The following KLF13 variants were observed in gnomAD, a reference collection of about 807,000 sequenced individuals.
KLF13 encodes Krueppel-like factor 13.
In KLF13, 8 loss-of-function variants were observed where a neutral mutation model predicts 16.7. That is an observed-to-expected ratio of 0.48 (90% confidence interval 0.28 to 0.87). The LOEUF (loss-of-function observed/expected upper bound fraction) is 0.87. Among genes scored for constraint, KLF13 ranks in the 40% least tolerant of loss-of-function variants. The probability of loss-of-function intolerance (pLI) is 0.10; values close to 1 mark genes in which losing one functional copy is unlikely to be tolerated. For missense variants in KLF13, 447 were observed against 452.2 expected (o/e 0.99, Z 0.10); for synonymous variants, 245 against 208.4 (o/e 1.18, Z -1.51).
intron 1 of KLF13, among the ~76,000 whole-genome samples, chr15:31,363,158 G>T (rs1396141912): frequency 6.6e-6 from 1 of 152,228 alleles, no homozygotes; most frequent in Non-Finnish European, 1.5e-5. Flanking sequence ...AAGAATGCCT[G>T]CTTACCTGCA....
intron 2 of KLF13, among the ~76,000 whole-genome samples, chr15:31,395,527 T>A (rs1211364458): frequency 5.9e-5 from 9 of 152,180 alleles, no homozygotes. Flanking sequence ...GTGGGATTAC[T>A]GGGTCATGTA....
chr15:31,361,358 T>C (rs532724987), intron 1 of KLF13, among the ~76,000 whole-genome samples: 24 of 152,142 alleles, frequency 1.6e-4, no homozygotes, highest in Admixed American at 4.6e-4. Flanking sequence ...TGAGGTCACT[T>C]GGTTTCTCAC....
chr15:31,412,011 T>C lies in KLF13; in HGVS notation n.117+18320T>C, dbSNP rs114054390. Among the ~76,000 whole-genome samples, 661 of 152,300 alleles carry C rather than the reference T, an allele frequency of 4.3e-3. 6 individuals are homozygous for C. The highest frequency in any genetic ancestry group is 0.015 in the African/African-American group (636 of 41,562). ...TCATAGCTAGCTGCTATGGTCTAAA[T>C]GTTAGTGTCTCCCAGGAAGTTATAT... On this transcript the variant is annotated intron_variant and non_coding_transcript_variant, in intron 1 of 1. Coordinates refer to the KLF13 transcript ENST00000558225.
chr15:31,360,647 A>G (rs1046058660), intron 1 of KLF13, among the ~76,000 whole-genome samples: 2 of 152,070 alleles, frequency 1.3e-5, no homozygotes, highest in Non-Finnish European at 2.9e-5. Flanking sequence ...GGAGGTTCCT[A>G]GCAGAAGCCC....
chr15:31,418,238 T>G (rs577400164), intron 1 of KLF13, among the ~76,000 whole-genome samples: 2 of 152,240 alleles, frequency 1.3e-5, no homozygotes, highest in African/African-American at 4.8e-5. Flanking sequence ...TTTTTTAGCC[T>G]TCAAACATAA....
chr15:31,330,059 T>C (rs186121059), intron 1 of KLF13, among the ~76,000 whole-genome samples: 333 of 152,236 alleles, frequency 2.2e-3, no homozygotes, highest in Admixed American at 3.5e-3. Flanking sequence ...GGAAGCCCAT[T>C]TCCAGCCCCT....
In KLF13 at chr15:31,372,514, A is replaced by C; in HGVS notation, c.*215A>C. The C allele has an allele frequency of 1.8e-6, 1 of 547,454 alleles. No homozygotes were observed. Among genetic ancestry groups the C allele is most frequent in the Non-Finnish European group, 3.1e-6 (1 of 324,332 alleles). 33.9% of individuals were successfully genotyped at this position (547,454 alleles called of 1,614,324 possible). ...AAATTGCACAATAGATACACCCACA[A>C]AGTTGAGATTCAGCGTTGTTGAACC... is the stretch of plus-strand genomic sequence containing the variant. On this transcript the variant is annotated 3_prime_UTR_variant, in exon 2 of 2. Transcript: ENST00000307145.
At chr15:31,363,245 G>A (rs576321483) in intron 1 of KLF13, among the ~76,000 whole-genome samples, 188 of 152,348 alleles carry the variant, frequency 1.2e-3, no homozygotes, top group Non-Finnish European at 2.2e-3. Flanking sequence ...GGATGAGGTG[G>A]AGCATCTTTT....
chr15:31,431,589 T>G (rs1471390507), intron 1 of KLF13, among the ~76,000 whole-genome samples: 1 of 152,112 alleles, frequency 6.6e-6, no homozygotes, highest in African/African-American at 2.4e-5. Context: ...ATCAGCTTCC[T>G]GAGTAGCTGG....
At chr15:31,355,597 T>A (rs1490990259) in intron 1 of KLF13, among the ~76,000 whole-genome samples, 1 of 151,680 alleles carries the variant, frequency 6.6e-6, no homozygotes, top group Admixed American at 6.6e-5. Context: ...GGTAGAAGAG[T>A]GTTAGGCATT....
chr15:31,360,960 C>T (rs977772790), intron 1 of KLF13, among the ~76,000 whole-genome samples: 3 of 152,176 alleles, frequency 2.0e-5, no homozygotes, highest in Non-Finnish European at 4.4e-5. Flanking sequence ...TCCTCCAGGG[C>T]TTCTGAGTGC....
downstream of KLF13, among the ~76,000 whole-genome samples, chr15:31,381,884 C>T (rs918449326): frequency 6.6e-6 from 1 of 152,238 alleles, no homozygotes; most frequent in African/African-American, 2.4e-5. Context: ...CTGCTGCCTG[C>T]ACAGCCGTTG....
intron 2 of KLF13, among the ~76,000 whole-genome samples, chr15:31,397,874 C>CG (rs139315375): frequency 0.31 from 27,970 of 90,024 alleles, 3,298 homozygotes; most frequent in East Asian, 0.48. Context: ...GGGGTGGCGG[C>CG]GGGGGGGGTG....
intron 1 of KLF13, among the ~76,000 whole-genome samples, chr15:31,333,625 C>G (rs2038873613): frequency 6.6e-6 from 1 of 151,886 alleles, no homozygotes; most frequent in African/African-American, 2.4e-5. Flanking sequence ...TCCATCTCGC[C>G]TCTCTCTTTA....
At chr15:31,352,273 A>G (rs545937845) in intron 1 of KLF13, among the ~76,000 whole-genome samples, 1 of 152,226 alleles carries the variant, frequency 6.6e-6, no homozygotes, top group Non-Finnish European at 1.5e-5. Flanking sequence ...GTCCAGGGAA[A>G]GGTGAGATTG....
intron 1 of KLF13, among the ~76,000 whole-genome samples, chr15:31,329,306 T>C (rs1175778109): frequency 7.8e-6 from 1 of 127,432 alleles, no homozygotes; most frequent in Non-Finnish European, 1.6e-5. Context: ...TCAGCTCGGC[T>C]CCAGGTGGAT....
intron 1 of KLF13, among the ~76,000 whole-genome samples, chr15:31,346,517 T>C (rs1441326654): frequency 6.6e-6 from 1 of 152,156 alleles, no homozygotes; most frequent in Non-Finnish European, 1.5e-5. Context: ...CTCCCCGGGT[T>C]CTCTTCTTCC....
At position 31,360,192 on chromosome 15, in the gene KLF13, G is replaced by C. The variant is rs1211492118; in HGVS notation, c.578-11818G>C. ...TCAGCTGCCTTAAGGTTAGGGCCCT[G>C]TTCTAGGTTAGGACAGGGAAGGGCT... On this transcript the variant is annotated intron_variant, in intron 1 of 1. Coordinates refer to ENST00000307145, the MANE Select transcript of KLF13 (RefSeq NM_015995.4). 2.6e-5 allele frequency among the ~76,000 whole-genome samples: 4 copies of C among 152,220 alleles called. No homozygotes were observed. In the East Asian group the frequency reaches 7.7e-4, roughly 29 times the overall value.
At chr15:31,399,455 G>A (rs973659017) in intron 2 of KLF13, among the ~76,000 whole-genome samples, 12 of 152,146 alleles carry the variant, frequency 7.9e-5, no homozygotes, top group East Asian at 1.9e-4. Flanking sequence ...GTGAGCCACC[G>A]TGCCCAGCCT....
Sources: gnomAD v4.1 joint callset for allele counts (sites outside exome capture counted in the v4.1 genomes callset) on GRCh38, gnomAD v4.1.1 for gene constraint, MANE v1.5 for transcripts, NCBI Gene and HGNC (gene_info 2026-07-23, HGNC 2026-07-21) for gene names.